The following HES1 variants were observed in gnomAD, a reference collection of about 807,000 sequenced individuals.
HES1 encodes the protein hes family bHLH transcription factor 1.
In HES1, 7 loss-of-function variants were observed where a neutral mutation model predicts 21.0. The observed-to-expected ratio is 0.33, with a 90% CI of 0.19 to 0.63. HES1 has a LOEUF of 0.63. HES1 is among the 20% of genes least tolerant of loss of function. HES1 has a pLI of 0.78. For synonymous variants in HES1, 169 were observed against 171.2 expected, an observed-to-expected ratio of 0.99 and a Z score of 0.10; for missense variants, 338 against 389.8, an observed-to-expected ratio of 0.87 and a Z score of 1.12.
chr3:194,136,650 G>T lies in HES1; in HGVS notation c.142G>T (p.Ala48Ser), dbSNP rs1327669973. Residue 48 changes from alanine to serine, a missense_variant, in exon 2 of 4, where the codon GCA becomes TCA. Ala to Ser is a moderately conservative substitution (Grantham distance 99). Transcript: ENST00000232424. Reference protein sequence around the residue: ...SKPIMEKRRRARINESLSQLK... With the variant: ...SKPIMEKRRRSRINESLSQLK... ...GCCTATTATGGAGAAAAGACGAAGA[G>T]CAAGAATAAATGAAAGTCTGAGCCA... 1 of 1,613,844 alleles carries T rather than the reference G, an allele frequency of 6.2e-7. No individual in the cohort carries two copies.
chr3:194,137,934 G>GCGC lies in HES1; in HGVS notation c.555_557dup (p.Pro186dup), dbSNP rs1434489043. On this transcript the variant is annotated inframe_insertion, in exon 4 of 4. Coordinates refer to ENST00000232424, the MANE Select transcript of HES1 (RefSeq NM_005524.4). The surrounding 1 kb of genome is among the most constrained non-coding windows in gnomAD (Gnocchi z 5.4). ...CGGCGGCCCCCAGCACGCGCCGTTC[G>GCGC]CGCCGCCGCCGCCACTCGTGCCCAT... is the stretch of plus-strand genomic sequence containing the variant. 25 of 1,305,568 alleles carry GCGC rather than the reference G, an allele frequency of 1.9e-5. No homozygotes were observed. The highest frequency in any genetic ancestry group is 4.1e-5 in the Admixed American group (1 of 24,418). The allele number at this position is 1,305,568 out of a possible 1,614,324, so 80.9% of individuals were successfully genotyped here.
Position 194,138,328 on chromosome 3 carries a change from CT to C in HES1, c.*101del. The stretch of plus-strand genomic sequence containing the variant: ...ACTTGAATACTGGGAGAGAAGAGGA[CT>C]TTTTTGATTAAGTGGTTACTTTGTG... On this transcript the variant is annotated 3_prime_UTR_variant, in exon 4 of 4. Coordinates refer to ENST00000232424, the MANE Select transcript of HES1 (RefSeq NM_005524.4). 2 of 1,264,886 alleles carry C rather than the reference CT, an allele frequency of 1.6e-6. No homozygotes were observed. Among genetic ancestry groups the C allele is most frequent in the Non-Finnish European group, 2.1e-6 (2 of 964,092 alleles). 78.4% of individuals were successfully genotyped at this position (1,264,886 alleles called of 1,614,324 possible).
Position 194,137,852 on chromosome 3 carries a change from C to T in HES1, c.462C>T (p.Thr154=), listed in dbSNP as rs919938923. The change falls in exon 4 of 4, where the codon ACC becomes ACT. Residue 154 remains threonine, a synonymous_variant. Coordinates refer to ENST00000232424, the MANE Select transcript of HES1 (RefSeq NM_005524.4). The surrounding 1 kb of genome is among the most constrained non-coding windows in gnomAD (Gnocchi z 5.4). The part of the protein sequence containing the change: ...ANCMTQINAM[T]YPGQPHPALQ... ...GCATGACCCAGATCAATGCCATGAC[C>T]TACCCCGGGCAGCCGCACCCCGCCT... 1.3e-6 allele frequency: 2 copies of T among 1,544,200 alleles called. No individual in the cohort carries two copies. Among genetic ancestry groups the T allele is most frequent in the Admixed American group, 1.9e-5 (1 of 53,140 alleles).
chr3:194,138,517 G>C lies in HES1; in HGVS notation c.*284G>C. On this transcript the variant is annotated 3_prime_UTR_variant, in exon 4 of 4. Transcript: ENST00000232424. ...TTTTTACACGAGATTTCTTTTTTAT[G>C]TGATGCCAAAGATGTTTGAAAATGC... is the stretch of plus-strand genomic sequence containing the variant. 1 of 321,240 alleles carries C rather than the reference G, an allele frequency of 3.1e-6. No homozygotes were observed. Among genetic ancestry groups the C allele is most frequent in the Admixed American group, 4.9e-5 (1 of 20,416 alleles). The allele number at this position is 321,240 out of a possible 1,614,324, so 19.9% of individuals were successfully genotyped here.
In HES1 at chr3:194,137,191, G is replaced by A. The variant is rs539014312; in HGVS notation, c.292+143G>A. ...CACTCTTGCGTTCCCACGGTCTGGG[G>A]CTTATTTATAGCCACAACTCCAAGT... On this transcript the variant is annotated intron_variant, in intron 3 of 3. Transcript: ENST00000232424. The surrounding 1 kb of genome is among the most constrained non-coding windows in gnomAD (Gnocchi z 5.4). 50 of 697,714 alleles carry A rather than the reference G, an allele frequency of 7.2e-5. 3 individuals are homozygous for A. The South Asian group carries it at 8.6e-4, about 12-fold the overall frequency. 43.2% of individuals were successfully genotyped at this position (697,714 alleles called of 1,614,324 possible).
In HES1 at chr3:194,138,414, T is replaced by C. The variant is rs11541817; in HGVS notation, c.*181T>C. ...GAGAGCTGTATTAAGTGACTGACCA[T>C]GCACTATATTTGTATATATTTTATA... On this transcript the variant is annotated 3_prime_UTR_variant, in exon 4 of 4. Transcript: ENST00000232424. 56 of 489,572 alleles carry C rather than the reference T, an allele frequency of 1.1e-4. No homozygotes were observed. The highest frequency in any genetic ancestry group is 9.5e-4 in the African/African-American group (48 of 50,436). The allele number at this position is 489,572 out of a possible 1,614,324, so 30.3% of individuals were successfully genotyped here. A position where few individuals can be genotyped will look rare whatever the true frequency, so the allele number is the denominator to read the frequency against.
In HES1 at chr3:194,138,389, G is replaced by C. The variant is rs1292817067; in HGVS notation, c.*156G>C. Reference sequence around the variant, plus strand: ...TTTCTAAGAAGTTACTTTTTGTAGAGAGAGCTGTATTAAGTGACTGACCAT... The same window carrying C: ...TTTCTAAGAAGTTACTTTTTGTAGACAGAGCTGTATTAAGTGACTGACCAT... On this transcript the variant is annotated 3_prime_UTR_variant, in exon 4 of 4. Transcript: ENST00000232424. The C allele has an allele frequency of 1.4e-6, 1 of 709,522 alleles. No homozygotes were observed. Among genetic ancestry groups the C allele is most frequent in the African/African-American group, 1.8e-5 (1 of 54,874 alleles). The allele number at this position is 709,522 out of a possible 1,614,324, so 44.0% of individuals were successfully genotyped here. A position where few individuals can be genotyped will look rare whatever the true frequency, so the allele number is the denominator to read the frequency against.
rs755168669 is a variant in HES1, at chr3:194,136,487, A to G, written c.107A>G (p.Lys36Arg). 1 of 1,606,124 alleles carries G rather than the reference A, an allele frequency of 6.2e-7. No homozygotes were observed. The highest frequency in any genetic ancestry group is 8.5e-7 in the Non-Finnish European group (1 of 1,175,952). Residue 36 changes from lysine to arginine, a missense_variant and splice_region_variant, in exon 1 of 4, where the codon AAG becomes AGG. By Grantham distance (26) the Lys-to-Arg change is conservative. Transcript: ENST00000232424. Reference protein sequence around the residue: ...DKPKTASEHRKSSKPIMEKRR... With the variant: ...DKPKTASEHRRSSKPIMEKRR... Reference sequence around the variant, plus strand: ...CCAAAGACAGCATCTGAGCACAGAAAGGTAAGGGCGGTACCTGTATCTCTT... The same window carrying G: ...CCAAAGACAGCATCTGAGCACAGAAGGGTAAGGGCGGTACCTGTATCTCTT...
Position 194,138,343 on chromosome 3 carries a change from G to C in HES1, c.*110G>C. 8.6e-7 allele frequency: 1 copy of C among 1,162,104 alleles called. No individual in the cohort carries two copies. The highest frequency in any genetic ancestry group is 2.0e-5 in the South Asian group (1 of 49,768). 72.0% of individuals were successfully genotyped at this position (1,162,104 alleles called of 1,614,324 possible). A position where few individuals can be genotyped will look rare whatever the true frequency, so the allele number is the denominator to read the frequency against. ...GAGAAGAGGACTTTTTTGATTAAGT[G>C]GTTACTTTGTGTTTTTTTAATTTCT... is the stretch of plus-strand genomic sequence containing the variant. On this transcript the variant is annotated 3_prime_UTR_variant, in exon 4 of 4. Coordinates refer to ENST00000232424, the MANE Select transcript of HES1 (RefSeq NM_005524.4).
At chr3:194,136,787 C>A in intron 2 of HES1, 75 bp downstream of exon 2, 1 of 1,469,396 alleles carries the variant, frequency 6.8e-7, no homozygotes, top group African/African-American at 1.4e-5. Flanking sequence ...TGAAACCCCC[C>A]GCCCTGCGGG....
chr3:194,136,832 G>C, intron 2 of HES1, 120 bp downstream of exon 2: 2 of 1,368,350 alleles, frequency 1.5e-6, no homozygotes, highest in East Asian at 2.3e-5. Flanking sequence ...TCTCCCAGGC[G>C]GGAGGGCCCG....
chr3:194,136,613 G>T lies in HES1; in HGVS notation c.109-4G>T. ...GAACACAGAACTCTTTTTTTTATTT[G>T]CAGTCATCAAAGCCTATTATGGAGA... On this transcript the variant is annotated splice_polypyrimidine_tract_variant and splice_region_variant and intron_variant, in intron 1 of 3. Transcript: ENST00000232424. 1.3e-6 allele frequency: 2 copies of T among 1,596,536 alleles called. No homozygotes were observed. Among genetic ancestry groups the T allele is most frequent in the African/African-American group, 2.7e-5 (2 of 73,564 alleles).
Position 194,137,685 on chromosome 3 carries a change from G to T in HES1, c.295G>T (p.Ala99Ser). The change falls in exon 4 of 4, where the codon GCG (alanine) becomes TCG (serine). Residue 99 changes from alanine (A) to serine (S), a missense_variant and splice_region_variant. Ala to Ser is a moderately conservative substitution (Grantham distance 99). Coordinates refer to ENST00000232424, the MANE Select transcript of HES1 (RefSeq NM_005524.4). The surrounding 1 kb of genome is among the most constrained non-coding windows in gnomAD (Gnocchi z 5.4). ...GTCTGTCTCTTTCTGGCCCGCAGCTGCGCTGAGCACAGACCCAAGTGTGCT... is the reference window on the plus strand; with the variant it reads ...GTCTGTCTCTTTCTGGCCCGCAGCTTCGCTGAGCACAGACCCAAGTGTGCT... ...RNLQRAQMTA[A>S]LSTDPSVLGK... The T allele has an allele frequency of 1.9e-6, 3 of 1,590,390 alleles. No individual in the cohort carries two copies. The highest frequency in any genetic ancestry group is 2.6e-6 in the Non-Finnish European group (3 of 1,166,464).
At chr3:194,136,737 C>G (rs147306621) in intron 2 of HES1, 25 bp downstream of exon 2, 32 of 1,580,746 alleles carry the variant, frequency 2.0e-5, no homozygotes, top group Admixed American at 3.3e-5. Context: ...GCTGCTCGCT[C>G]TTTTAATTAA....
Position 194,137,263 on chromosome 3 carries a change from T to C in HES1, c.292+215T>C, listed in dbSNP as rs555065780. Reference sequence around the variant, plus strand: ...GGGAAAGAGGTTGCAGCCGCGAGGGTGGCGGGCGCCGGGTAGGGGCGAAAG... The same window carrying C: ...GGGAAAGAGGTTGCAGCCGCGAGGGCGGCGGGCGCCGGGTAGGGGCGAAAG... On this transcript the variant is annotated intron_variant, in intron 3 of 3. Transcript: ENST00000232424. The surrounding 1 kb of genome is among the most constrained non-coding windows in gnomAD (Gnocchi z 5.4). 171 of 613,928 alleles carry C rather than the reference T, an allele frequency of 2.8e-4. 1 individual carries two copies. The highest frequency in any genetic ancestry group is 2.6e-3 in the African/African-American group (142 of 54,140). 38.0% of individuals were successfully genotyped at this position (613,928 alleles called of 1,614,324 possible). A position where few individuals can be genotyped will look rare whatever the true frequency, so the allele number is the denominator to read the frequency against.
Position 194,138,127 on chromosome 3 carries a change from C to T in HES1, c.737C>T (p.Pro246Leu). ...TTCGCGCACAGCGGCCCTGTCATCC[C>T]CGTCTACACCAGCAACAGCGGCACC... Reference protein sequence around the residue: ...GAFAHSGPVIPVYTSNSGTSV... With the variant: ...GAFAHSGPVILVYTSNSGTSV... Residue 246 changes from proline to leucine, a missense_variant, in exon 4 of 4, where the codon CCC becomes CTC. Pro to Leu is a moderately conservative substitution (Grantham distance 98, BLOSUM62 -3). Coordinates refer to ENST00000232424, the MANE Select transcript of HES1 (RefSeq NM_005524.4). 1 of 1,612,846 alleles carries T rather than the reference C, an allele frequency of 6.2e-7. No homozygotes were observed. Among genetic ancestry groups the T allele is most frequent in the Non-Finnish European group, 8.5e-7 (1 of 1,179,648 alleles).
In HES1 at chr3:194,136,882, G is replaced by C. The variant is rs559600981; in HGVS notation, c.205-79G>C. 2.7e-6 allele frequency: 4 copies of C among 1,459,102 alleles called. No homozygotes were observed. The African/African-American group carries it at 4.2e-5, about 15-fold the overall frequency. 90.4% of individuals were successfully genotyped at this position (1,459,102 alleles called of 1,614,324 possible). ...GGTCCAGAGATAATGCTTGCGCTCC[G>C]TGGCCGGGAGGAGGGACCCCCAGCA... is the stretch of plus-strand genomic sequence containing the variant. On this transcript the variant is annotated intron_variant, in intron 2 of 3. Transcript: ENST00000232424.
chr3:194,136,748 AAAAC>A (rs746035881), intron 2 of HES1, 36 bp downstream of exon 2: 16 of 1,561,034 alleles, frequency 1.0e-5, no homozygotes, highest in African/African-American at 8.1e-5. Context: ...TTTTAATTAA[AAAAC>A]AAACACTTTC....
Position 194,136,194 on chromosome 3 carries a change from A to G in HES1, c.-187A>G. ...CTGATAACAGCGGAATCCCCCGTCT[A>G]CCTCTCTCCTTGGTCCTGGAACAGC... On this transcript the variant is annotated 5_prime_UTR_variant, in exon 1 of 4. Coordinates refer to ENST00000232424, the MANE Select transcript of HES1 (RefSeq NM_005524.4). 1 of 558,680 alleles carries G rather than the reference A, an allele frequency of 1.8e-6. No individual in the cohort carries two copies. 34.6% of individuals were successfully genotyped at this position (558,680 alleles called of 1,614,324 possible).
Sources: gnomAD v4.1 joint callset for allele counts on GRCh38, gnomAD v4.1.1 for gene constraint, Gnocchi (gnomAD v3.1) non-coding constraint, MANE v1.5 for transcripts, NCBI Gene and HGNC (gene_info 2026-07-23, HGNC 2026-07-21) for gene names.